ADAMTSL1: variants seen among roughly 807,000 people sequenced by gnomAD.
ADAMTSL1 encodes ADAMTS-like protein 1.
ADAMTSL1 carries 126 observed loss-of-function variants against 201.8 expected under a neutral mutation model. The ratio of observed to expected loss-of-function variants is 0.62; its 90% CI spans 0.54 to 0.72. The LOEUF (loss-of-function observed/expected upper bound fraction) is 0.72, where lower values mean the gene tolerates loss of function less well. Ranked by LOEUF, ADAMTSL1 falls within the 30% of genes least tolerant of loss-of-function variation. The pLI is 0.00. For missense variants in ADAMTSL1, 2,679 were observed against 2,277.8 expected (o/e 1.18, Z -3.59); for synonymous variants, 1,121 against 903.4 (o/e 1.24, Z -4.32).
intron 3 of ADAMTSL1, among the ~76,000 whole-genome samples, chr9:18,567,769 T>C (rs1376044987): frequency 6.6e-6 from 1 of 152,214 alleles, no homozygotes; most frequent in African/African-American, 2.4e-5. Flanking sequence ...ATCTATGTAC[T>C]TATGTAAGAA....
intron 17 of ADAMTSL1, 134 bp downstream of exon 17, chr9:18,770,915 T>A: frequency 1.0e-6 from 1 of 990,378 alleles, no homozygotes; most frequent in Non-Finnish European, 1.4e-6. Flanking sequence ...TTTGTAACCA[T>A]ATATACCGTA....
At chr9:18,533,100 A>T (rs1819544398) in intron 2 of ADAMTSL1, 147 bp from the exon 3 acceptor site, 1 of 540,088 alleles carries the variant, frequency 1.9e-6, no homozygotes, top group African/African-American at 1.9e-5. Context: ...GCTCAATTTG[A>T]TTTTTAATAG....
intron 2 of ADAMTSL1, among the ~76,000 whole-genome samples, chr9:18,308,723 C>T (rs1834003332): frequency 6.6e-6 from 1 of 152,106 alleles, no homozygotes; most frequent in Admixed American, 6.5e-5. Flanking sequence ...AAGTCGAGGG[C>T]CAGATGGATT....
intron 3 of ADAMTSL1, among the ~76,000 whole-genome samples, chr9:18,541,775 T>C (rs1820165605): frequency 6.6e-6 from 1 of 152,218 alleles, no homozygotes. Flanking sequence ...TAATACAATG[T>C]TAATGGTAAT....
At chr9:18,594,379 G>T (rs1302984184) in intron 4 of ADAMTSL1, among the ~76,000 whole-genome samples, 1 of 151,930 alleles carries the variant, frequency 6.6e-6, no homozygotes, top group African/African-American at 2.4e-5. Flanking sequence ...CTTCAGATTT[G>T]GACATTTTTC....
intron 2 of ADAMTSL1, among the ~76,000 whole-genome samples, chr9:18,291,278 T>G (rs2132681158): frequency 6.6e-6 from 1 of 152,104 alleles, no homozygotes; most frequent in East Asian, 1.9e-4. Flanking sequence ...TACTGGAAAA[T>G]TAAAATTGAT....
At chr9:18,389,782 C>A (rs1329345365) in intron 2 of ADAMTSL1, among the ~76,000 whole-genome samples, 2 of 151,872 alleles carry the variant, frequency 1.3e-5, no homozygotes, top group African/African-American at 4.8e-5. Context: ...AAAAGTAAAT[C>A]CCATAAAGAG....
chr9:18,250,179 C>G (rs2132486467), intron 2 of ADAMTSL1, among the ~76,000 whole-genome samples: 1 of 152,312 alleles, frequency 6.6e-6, no homozygotes, highest in South Asian at 2.1e-4. Flanking sequence ...ACACACAAGC[C>G]TGCCCTCCAG....
At chr9:18,680,230 T>A in intron 10 of ADAMTSL1, 82 bp from the exon 11 acceptor site, 2 of 1,379,942 alleles carry the variant, frequency 1.4e-6, no homozygotes, top group South Asian at 2.6e-5. Flanking sequence ...CCAATAGACA[T>A]GGGGAGTGGG....
At chr9:17,915,651 T>TA (rs1161152569) in intron 1 of ADAMTSL1, among the ~76,000 whole-genome samples, 2 of 152,180 alleles carry the variant, frequency 1.3e-5, no homozygotes, top group African/African-American at 2.4e-5. Flanking sequence ...TTTCAAAAGG[T>TA]TGTACCCTTT....
intron 1 of ADAMTSL1, among the ~76,000 whole-genome samples, chr9:18,481,436 G>A (rs1038153308): frequency 2.6e-5 from 4 of 151,664 alleles, no homozygotes; most frequent in Admixed American, 6.6e-5. Flanking sequence ...TCCCAGCTAC[G>A]GAGATTAAGT....
At chr9:18,647,285 T>C (rs867966963) in intron 7 of ADAMTSL1, among the ~76,000 whole-genome samples, 2 of 152,178 alleles carry the variant, frequency 1.3e-5, no homozygotes, top group Admixed American at 6.5e-5. Flanking sequence ...TCTTTTTTTC[T>C]TTATTAGTCT....
chr9:17,944,385 C>G (rs561313957), intron 1 of ADAMTSL1, among the ~76,000 whole-genome samples: 11 of 151,974 alleles, frequency 7.2e-5, no homozygotes, highest in African/African-American at 2.7e-4. Flanking sequence ...AATGGCCATA[C>G]TGCCCAAGGT....
chr9:18,228,018 GT>G (rs1337481481), intron 2 of ADAMTSL1, among the ~76,000 whole-genome samples: 3 of 152,158 alleles, frequency 2.0e-5, no homozygotes, highest in African/African-American at 7.2e-5. Flanking sequence ...AGCTCCTCCA[GT>G]CCATCTTACA....
intron 2 of ADAMTSL1, among the ~76,000 whole-genome samples, chr9:18,375,554 T>A (rs1462225783): frequency 6.6e-6 from 1 of 152,226 alleles, no homozygotes; most frequent in African/African-American, 2.4e-5. Context: ...ATATTTAGTA[T>A]GACTCCTCCT....
chr9:18,318,722 A>C (rs528771902), intron 2 of ADAMTSL1, among the ~76,000 whole-genome samples: 1 of 147,564 alleles, frequency 6.8e-6, no homozygotes, highest in Non-Finnish European at 1.5e-5. Context: ...CTCGTAGCTA[A>C]TTTTTTTTTT....
intron 1 of ADAMTSL1, among the ~76,000 whole-genome samples, chr9:17,924,123 A>G (rs1164363029): frequency 7.7e-4 from 115 of 149,050 alleles, no homozygotes; most frequent in African/African-American, 2.6e-3. Context: ...TTGGTATCAG[A>G]ATGATGCTGG....
At chr9:18,815,013 C>T (rs1389374660) in intron 20 of ADAMTSL1, among the ~76,000 whole-genome samples, 7 of 152,090 alleles carry the variant, frequency 4.6e-5, no homozygotes, top group African/African-American at 1.2e-4. Flanking sequence ...TGTGATATCA[C>T]CTTACCTCTA....
chr9:18,889,497 G>T lies in ADAMTSL1; in HGVS notation c.4463-71G>T, dbSNP rs1829108956. 8.5e-6 allele frequency: 13 copies of T among 1,532,416 alleles called. No individual in the cohort carries two copies. In the South Asian group the frequency reaches 1.4e-4, roughly 17 times the overall value. The allele number at this position is 1,532,416 out of a possible 1,614,324, so 94.9% of individuals were successfully genotyped here. On this transcript the variant is annotated intron_variant, in intron 24 of 28. Transcript: ENST00000380548. The stretch of plus-strand genomic sequence containing the variant: ...ACCCCTGTCACCTTCTCCCTGCCCT[G>T]CTCAGAAGGAATTCAGAGTGTGGGC...
Sources: allele counts gnomAD v4.1 joint callset (sites outside exome capture counted in the v4.1 genomes callset), GRCh38; gene constraint gnomAD v4.1.1; transcripts MANE v1.5; gene names NCBI Gene and HGNC (gene_info 2026-07-23, HGNC 2026-07-21).